Variants in PHF24 observed in about 807,000 individuals in gnomAD.
PHF24 encodes Galpha inhibitory interacting protein.
Under a neutral mutation model 42.6 loss-of-function variants are expected in PHF24, and 25 were observed. That is an observed-to-expected ratio of 0.59 (90% CI 0.43 to 0.82). The LOEUF (loss-of-function observed/expected upper bound fraction) is 0.82, where lower values mean the gene tolerates loss of function less well. PHF24 is among the 40% of genes least tolerant of loss of function. PHF24 has a pLI of 0.00. For synonymous variants in PHF24, 185 were observed against 204.8 expected, an observed-to-expected ratio of 0.90 and a Z score of 0.83; for missense variants, 470 against 538.1, an observed-to-expected ratio of 0.87 and a Z score of 1.25.
the PHF24 span, chr9:34,832,274 A>G: frequency 7.4e-6 from 4 of 544,014 alleles, no homozygotes; most frequent in East Asian, 3.0e-5. Flanking sequence ...CAATGTTTCT[A>G]TCTGAACTGA....
the PHF24 span, among the ~76,000 whole-genome samples, chr9:34,879,217 A>G: frequency 6.6e-6 from 1 of 152,216 alleles, no homozygotes; most frequent in Non-Finnish European, 1.5e-5. Context: ...GGTCACCATC[A>G]TCAAAGACCA....
At chr9:34,675,017 C>G in the PHF24 span, among the ~76,000 whole-genome samples, 2 of 152,074 alleles carry the variant, frequency 1.3e-5, no homozygotes, top group Non-Finnish European at 1.5e-5. Context: ...CCACTACACC[C>G]CACTAATTTT....
the PHF24 span, among the ~76,000 whole-genome samples, chr9:34,746,658 C>T: frequency 6.6e-6 from 1 of 152,186 alleles, no homozygotes; most frequent in Non-Finnish European, 1.5e-5. Context: ...ATAAAGAATA[C>T]TAAGCAAACA....
the PHF24 span, among the ~76,000 whole-genome samples, chr9:34,699,259 C>T: frequency 1.6e-3 from 237 of 152,316 alleles, 1 homozygote; most frequent in African/African-American, 5.6e-3. Context: ...ATGTTCTCTA[C>T]AAACAGTTAA....
At chr9:34,697,896 G>A in the PHF24 span, among the ~76,000 whole-genome samples, 1 of 152,128 alleles carries the variant, frequency 6.6e-6, no homozygotes, top group Non-Finnish European at 1.5e-5. Flanking sequence ...TTATTTCAAG[G>A]TGAATGATGG....
the PHF24 span, chr9:34,894,561 A>G: frequency 5.0e-6 from 2 of 398,432 alleles, no homozygotes; most frequent in Admixed American, 8.8e-5. Flanking sequence ...GGGACATCCT[A>G]TAAGAAGCTG....
chr9:34,774,238 T>C, the PHF24 span, among the ~76,000 whole-genome samples: 8 of 152,122 alleles, frequency 5.3e-5, no homozygotes, highest in African/African-American at 1.9e-4. Flanking sequence ...AAGATAAAGA[T>C]GTAACTTAAA....
the PHF24 span, among the ~76,000 whole-genome samples, chr9:34,666,958 C>G: frequency 6.6e-6 from 1 of 152,194 alleles, no homozygotes; most frequent in African/African-American, 2.4e-5. Flanking sequence ...CAAAACAAAA[C>G]AAAACAACCA....
At chr9:34,869,039 A>G in the PHF24 span, among the ~76,000 whole-genome samples, 1 of 152,210 alleles carries the variant, frequency 6.6e-6, no homozygotes, top group South Asian at 2.1e-4. Context: ...TTTGCTGAGG[A>G]TAACGGCTTC....
chr9:34,738,224 C>A, the PHF24 span, among the ~76,000 whole-genome samples: 1 of 152,186 alleles, frequency 6.6e-6, no homozygotes, highest in African/African-American at 2.4e-5. Context: ...GTCAGTCCCA[C>A]AAACAGAGAT....
At chr9:34,720,153 T>C in the PHF24 span, among the ~76,000 whole-genome samples, 6 of 152,012 alleles carry the variant, frequency 3.9e-5, no homozygotes, top group African/African-American at 1.4e-4. Flanking sequence ...CCTCAAAACA[T>C]GTCATAAAGG....
At chr9:34,699,533 C>G in the PHF24 span, among the ~76,000 whole-genome samples, 2 of 152,178 alleles carry the variant, frequency 1.3e-5, no homozygotes. Context: ...TCCATTAACC[C>G]TTTTTGAGCA....
the PHF24 span, among the ~76,000 whole-genome samples, chr9:34,883,185 C>T: frequency 4.6e-5 from 7 of 152,156 alleles, no homozygotes; most frequent in Admixed American, 3.9e-4. Flanking sequence ...AACTGGATCC[C>T]TTCCTTACAC....
At chr9:34,714,813 T>C in the PHF24 span, among the ~76,000 whole-genome samples, 1 of 152,178 alleles carries the variant, frequency 6.6e-6, no homozygotes, top group Admixed American at 6.5e-5. Flanking sequence ...ACCTTTTTCT[T>C]TCCTAAAAGC....
the PHF24 span, chr9:34,917,099 C>T: frequency 1.3e-5 from 10 of 749,196 alleles, no homozygotes; most frequent in Non-Finnish European, 2.4e-5. Flanking sequence ...GGCCTCCTCT[C>T]CTCTCCTCTC....
At chr9:34,683,175 C>A in the PHF24 span, among the ~76,000 whole-genome samples, 5 of 152,022 alleles carry the variant, frequency 3.3e-5, no homozygotes, top group African/African-American at 1.2e-4. Context: ...ATTCTCCTGC[C>A]TCAGCCTCCC....
At chr9:34,843,507 T>C in the PHF24 span, among the ~76,000 whole-genome samples, 1 of 152,210 alleles carries the variant, frequency 6.6e-6, no homozygotes, top group Admixed American at 6.5e-5. Context: ...TTATACTAAG[T>C]CTTGAAGTCA....
At chr9:34,874,431 G>A in the PHF24 span, among the ~76,000 whole-genome samples, 7 of 152,122 alleles carry the variant, frequency 4.6e-5, no homozygotes, top group African/African-American at 7.2e-5. Context: ...CAATCCACTC[G>A]TTTCTCACCT....
the PHF24 span, among the ~76,000 whole-genome samples, chr9:34,907,332 A>G: frequency 6.6e-6 from 1 of 152,180 alleles, no homozygotes; most frequent in Non-Finnish European, 1.5e-5. Flanking sequence ...ACTGTCCATG[A>G]AAAAGGATAT....
Sources: allele counts gnomAD v4.1 joint callset (sites outside exome capture counted in the v4.1 genomes callset), GRCh38; gene constraint gnomAD v4.1.1; transcripts MANE v1.5; gene names NCBI Gene and HGNC (gene_info 2026-07-23, HGNC 2026-07-21).